CDH13: variants seen among roughly 807,000 people sequenced by gnomAD.
CDH13 encodes cadherin-13.
CDH13 carries 24 observed loss-of-function variants against 63.8 expected under a neutral mutation model. That is an observed-to-expected ratio of 0.38 (90% CI 0.27 to 0.53). The LOEUF is 0.53. Ranked by LOEUF, CDH13 falls within the 20% of genes least tolerant of loss-of-function variation. The pLI is 0.85. For synonymous variants in CDH13, 503 were observed against 355.3 expected (o/e 1.42, Z -4.67); for missense variants, 1,049 against 903.1 (o/e 1.16, Z -2.07).
At chr16:82,743,625 A>G (rs2034033216) in intron 1 of CDH13, among the ~76,000 whole-genome samples, 1 of 152,200 alleles carries the variant, frequency 6.6e-6, no homozygotes, top group Admixed American at 6.5e-5. Flanking sequence ...CATACCTTTC[A>G]TGTACACAAT....
intron 6 of CDH13, among the ~76,000 whole-genome samples, chr16:83,396,240 C>A (rs1280261599): frequency 6.6e-6 from 1 of 152,106 alleles, no homozygotes; most frequent in Non-Finnish European, 1.5e-5. Context: ...TTGTGTTTCA[C>A]CTTGTTGAAC....
intron 6 of CDH13, among the ~76,000 whole-genome samples, chr16:83,411,051 T>A (rs1238487371): frequency 6.6e-5 from 10 of 152,242 alleles, no homozygotes. Flanking sequence ...TGCTTCATGC[T>A]GATCCATCCA....
intron 1 of CDH13, among the ~76,000 whole-genome samples, chr16:82,742,083 G>A (rs1383182437): frequency 6.6e-6 from 1 of 152,048 alleles, no homozygotes; most frequent in Non-Finnish European, 1.5e-5. Flanking sequence ...ATAACATTGG[G>A]CCAAAACGTC....
At chr16:82,923,223 T>C (rs1183510219) in intron 2 of CDH13, among the ~76,000 whole-genome samples, 1 of 152,196 alleles carries the variant, frequency 6.6e-6, no homozygotes, top group East Asian at 1.9e-4. Context: ...CCTGTAATAA[T>C]TTCTGTCACA....
rs565239938 is a variant in CDH13 at position 83,479,588 on chromosome 16, C to T, written c.782-6889C>T. 3.6e-4 allele frequency among the ~76,000 whole-genome samples: 55 copies of T among 152,054 alleles called. 1 individual carries two copies. The East Asian group carries it at 9.1e-3, about 25-fold the overall frequency. On this transcript the variant is annotated intron_variant, in intron 6 of 13. Coordinates refer to ENST00000567109, the MANE Select transcript of CDH13 (RefSeq NM_001257.5). Reference sequence around the variant, plus strand: ...AGGAGAATGGCATGAACCCGGGAGGCGGAGCTTGCAGTGAGCCAAGATTGC... The same window carrying T: ...AGGAGAATGGCATGAACCCGGGAGGTGGAGCTTGCAGTGAGCCAAGATTGC...
chr16:83,606,972 A>G (rs1356503781), intron 8 of CDH13, among the ~76,000 whole-genome samples: 1 of 151,898 alleles, frequency 6.6e-6, no homozygotes, highest in Non-Finnish European at 1.5e-5. Flanking sequence ...CAGAAGACTA[A>G]GTGACTTCTG....
intron 2 of CDH13, among the ~76,000 whole-genome samples, chr16:83,020,024 C>G (rs12599326): frequency 1.8e-4 from 28 of 152,056 alleles, no homozygotes; most frequent in African/African-American, 6.7e-4. Context: ...ATGCATTGCA[C>G]TCTGACGTTA....
chr16:83,630,379 G>T (rs1012636440), intron 8 of CDH13, among the ~76,000 whole-genome samples: 21 of 152,198 alleles, frequency 1.4e-4, no homozygotes, highest in Admixed American at 2.6e-4. Context: ...GATGACACGT[G>T]CCCGAGGTGC....
chr16:83,469,028 C>T (rs1034712792), intron 6 of CDH13, among the ~76,000 whole-genome samples: 12 of 152,138 alleles, frequency 7.9e-5, no homozygotes, highest in Admixed American at 7.9e-4. Context: ...CTACGGCTTT[C>T]CCTGGTATAT....
chr16:83,726,487 C>T (rs894154542), intron 10 of CDH13: 1 of 152,192 alleles, frequency 6.6e-6, no homozygotes, highest in Non-Finnish European at 1.5e-5. Flanking sequence ...AGACTCTGCA[C>T]GTCTTTTGTT....
chr16:82,979,408 G>A (rs1909963703), intron 2 of CDH13, among the ~76,000 whole-genome samples: 1 of 152,150 alleles, frequency 6.6e-6, no homozygotes, highest in Non-Finnish European at 1.5e-5. Flanking sequence ...ATTTCATCTT[G>A]AATTATAGTT....
intron 11 of CDH13, among the ~76,000 whole-genome samples, chr16:83,766,580 A>T (rs1914403543): frequency 6.6e-6 from 1 of 152,214 alleles, no homozygotes; most frequent in Admixed American, 6.5e-5. Context: ...CATATGCTGC[A>T]TGCCTCTGGG....
At chr16:83,351,914 G>C (rs2090958861) in intron 6 of CDH13, among the ~76,000 whole-genome samples, 1 of 152,206 alleles carries the variant, frequency 6.6e-6, no homozygotes, top group Admixed American at 6.5e-5. Context: ...TTCTCCAGAT[G>C]ACACTCAGTA....
chr16:83,446,619 C>A (rs1386086430), intron 6 of CDH13, among the ~76,000 whole-genome samples: 4 of 152,166 alleles, frequency 2.6e-5, no homozygotes, highest in African/African-American at 9.7e-5. Flanking sequence ...ATTTTCTGCT[C>A]ATTTCTCCAT....
At chr16:83,443,179 G>A (rs1567675670) in intron 6 of CDH13, among the ~76,000 whole-genome samples, 1 of 152,234 alleles carries the variant, frequency 6.6e-6, no homozygotes, top group Non-Finnish European at 1.5e-5. Context: ...AGCTGAGAAT[G>A]TGATAGGGTG....
intron 6 of CDH13, among the ~76,000 whole-genome samples, chr16:83,410,552 C>A (rs1249735287): frequency 6.6e-6 from 1 of 152,098 alleles, no homozygotes; most frequent in Non-Finnish European, 1.5e-5. Context: ...GCAATACCCA[C>A]CCCCTATATT....
At chr16:83,657,131 G>T (rs1242156426) in intron 8 of CDH13, among the ~76,000 whole-genome samples, 1 of 152,190 alleles carries the variant, frequency 6.6e-6, no homozygotes. Flanking sequence ...AATGAATGAT[G>T]TAGGCTCTTC....
At chr16:83,180,762 T>C (rs1483446750) in intron 4 of CDH13, 4 of 775,980 alleles carry the variant, frequency 5.2e-6, no homozygotes, top group Non-Finnish European at 8.4e-6. Flanking sequence ...GTAATGTTCT[T>C]TAAGACAAAC....
chr16:82,724,284 T>TATCC (rs1016742102), intron 1 of CDH13, among the ~76,000 whole-genome samples: 25 of 152,104 alleles, frequency 1.6e-4, no homozygotes, highest in Non-Finnish European at 3.2e-4. Flanking sequence ...TCCATCCATC[T>TATCC]ATCCATCCAT....
Sources: allele counts gnomAD v4.1 joint callset (sites outside exome capture counted in the v4.1 genomes callset), GRCh38; gene constraint gnomAD v4.1.1; transcripts MANE v1.5; gene names NCBI Gene and HGNC (gene_info 2026-07-23, HGNC 2026-07-21).